IL4R: variants seen among roughly 807,000 people sequenced by gnomAD.
IL4R encodes interleukin-4 receptor subunit alpha.
In IL4R, 17 loss-of-function variants were observed where a neutral mutation model predicts 41.5. That is an observed-to-expected ratio of 0.41 (90% CI 0.28 to 0.61). The LOEUF (loss-of-function observed/expected upper bound fraction) is 0.61, where lower values mean the gene tolerates loss of function less well. Ranked by LOEUF, IL4R falls within the 20% of genes least tolerant of loss-of-function variation. The pLI is 0.31. For synonymous variants in IL4R, 402 were observed against 422.9 expected (o/e 0.95, Z 0.61); for missense variants, 974 against 1,043.1 (o/e 0.93, Z 0.91).
intron 3 of IL4R, among the ~76,000 whole-genome samples, chr16:27,340,761 A>G (rs940231738): frequency 2.0e-5 from 3 of 152,144 alleles, no homozygotes; most frequent in Non-Finnish European, 4.4e-5. Context: ...ACAGAACAGC[A>G]TAAGAGGGGG....
At chr16:27,362,178 G>A (rs938436289) in intron 10 of IL4R, 74 bp from the exon 11 acceptor site, 21 of 1,465,556 alleles carry the variant, frequency 1.4e-5, no homozygotes, top group Non-Finnish European at 1.7e-5. Context: ...GGTGATTTCA[G>A]GCTGGGCTTT....
chr16:27,322,668 C>T (rs2084848162), intron 1 of IL4R, among the ~76,000 whole-genome samples: 1 of 152,116 alleles, frequency 6.6e-6, no homozygotes, highest in African/African-American at 2.4e-5. Flanking sequence ...TATGATTGCT[C>T]CACTGCACTC....
chr16:27,328,451 A>T (rs1185938351), intron 1 of IL4R, among the ~76,000 whole-genome samples: 2 of 151,986 alleles, frequency 1.3e-5, no homozygotes, highest in Non-Finnish European at 1.5e-5. Flanking sequence ...TGGTTTCACC[A>T]TGTTGGTGAA....
At chr16:27,355,511 C>CCGG (rs2086032934) in intron 7 of IL4R, 1 of 377,990 alleles carries the variant, frequency 2.6e-6, no homozygotes, top group African/African-American at 2.1e-5. Context: ...AAGGAGCCAT[C>CCGG]CGGCTCCTAA....
rs372933624 is a variant in IL4R at position 27,314,313 on chromosome 16, G to A, written c.-152+293G>A. 5.5e-3 allele frequency: 966 copies of A among 176,342 alleles called. 5 individuals are homozygous for A. The highest frequency in any genetic ancestry group is 0.022 in the African/African-American group (929 of 41,950). The allele number at this position is 176,342 out of a possible 1,614,324, so 10.9% of individuals were successfully genotyped here. A position where few individuals can be genotyped will look rare whatever the true frequency, so the allele number is the denominator to read the frequency against. On this transcript the variant is annotated intron_variant, in intron 1 of 10. Coordinates refer to ENST00000395762, the MANE Select transcript of IL4R (RefSeq NM_000418.4). Reference sequence around the variant, plus strand: ...GACGGCCTGCGGGGGTGGGGGGCTTGGGGTTAGGCTGTCGGAGGCCACGCA... The same window carrying A: ...GACGGCCTGCGGGGGTGGGGGGCTTAGGGTTAGGCTGTCGGAGGCCACGCA...
chr16:27,318,329 C>T (rs2084707494), intron 1 of IL4R, among the ~76,000 whole-genome samples: 1 of 152,102 alleles, frequency 6.6e-6, no homozygotes, highest in Non-Finnish European at 1.5e-5. Context: ...CAGGATTTTA[C>T]AGGAGAGAAC....
chr16:27,325,749 C>T (rs1283293524), intron 1 of IL4R, among the ~76,000 whole-genome samples: 1 of 152,014 alleles, frequency 6.6e-6, no homozygotes. Context: ...TGCTGTATGT[C>T]GGGCCCCTCC....
chr16:27,345,229 C>T lies in IL4R; in HGVS notation c.361+209C>T, dbSNP rs931959761. The T allele has an allele frequency of 5.7e-6, 4 of 696,730 alleles. No homozygotes were observed. Among genetic ancestry groups the T allele is most frequent in the South Asian group, 4.5e-5 (3 of 66,760 alleles). The allele number at this position is 696,730 out of a possible 1,614,324, so 43.2% of individuals were successfully genotyped here. On this transcript the variant is annotated intron_variant, in intron 5 of 10. Coordinates refer to ENST00000395762, the MANE Select transcript of IL4R (RefSeq NM_000418.4). This position sits in a 1 kb window ranked among gnomAD's most constrained non-coding sequence, Gnocchi z 4.5. ...GAGCTGGTCGCAGTAGACCACCAAGCCCCCTTCAGCCCAGCTGTTTCCACC... is the reference window on the plus strand; with the variant it reads ...GAGCTGGTCGCAGTAGACCACCAAGTCCCCTTCAGCCCAGCTGTTTCCACC...
intron 3 of IL4R, 49 bp from the exon 4 acceptor site, chr16:27,342,071 CT>C (rs778084490): frequency 2.5e-6 from 4 of 1,600,500 alleles, no homozygotes; most frequent in Non-Finnish European, 3.4e-6. Context: ...GCAAGTCCCC[CT>C]CACGCATTGA....
At chr16:27,334,608 G>C (rs2141106461) in intron 2 of IL4R, among the ~76,000 whole-genome samples, 1 of 152,186 alleles carries the variant, frequency 6.6e-6, no homozygotes, top group Non-Finnish European at 1.5e-5. Context: ...CATAATTGAG[G>C]CTAAAGTGAC....
chr16:27,316,146 C>G (rs776245551), intron 1 of IL4R, among the ~76,000 whole-genome samples: 48 of 152,096 alleles, frequency 3.2e-4, no homozygotes, highest in Non-Finnish European at 5.7e-4. Flanking sequence ...GAGAGAGGAT[C>G]GCTTGAACCC....
intron 1 of IL4R, 45 bp downstream of exon 1, chr16:27,314,065 C>T (rs2084549772): frequency 2.0e-6 from 2 of 984,886 alleles, no homozygotes; most frequent in South Asian, 4.7e-5. Flanking sequence ...GAAGGTATCG[C>T]CCGGGCACGC....
Position 27,355,813 on chromosome 16 carries a change from A to C in IL4R, c.676A>C (p.Arg226=). Residue 226 remains arginine (R), a synonymous_variant, in exon 8 of 11, where the codon AGG becomes CGG. Coordinates refer to ENST00000395762, the MANE Select transcript of IL4R (RefSeq NM_000418.4). ...GCTTCCCCTCCCACTTCCAGCCTAC[A>C]GGGAGCCCTTCGAGCAGCACCTCCT... is the stretch of plus-strand genomic sequence containing the variant. ...SPSTKWHNSY[R]EPFEQHLLLG... The C allele has an allele frequency of 5.6e-6, 9 of 1,612,350 alleles. No homozygotes were observed. Among genetic ancestry groups the C allele is most frequent in the Non-Finnish European group, 7.6e-6 (9 of 1,179,028 alleles).
At chr16:27,337,727 G>A (rs1442404087) in intron 2 of IL4R, among the ~76,000 whole-genome samples, 1 of 151,542 alleles carries the variant, frequency 6.6e-6, no homozygotes, top group Non-Finnish European at 1.5e-5. Context: ...CTACAGGCAC[G>A]CGCCACTACC....
At position 27,362,937 on chromosome 16, in the gene IL4R, G is replaced by C. The variant is rs768453203; in HGVS notation, c.1585G>C (p.Glu529Gln). 1.9e-6 allele frequency: 3 copies of C among 1,614,008 alleles called. No individual in the cohort carries two copies. Among genetic ancestry groups the C allele is most frequent in the African/African-American group, 2.7e-5 (2 of 74,932 alleles). The stretch of plus-strand genomic sequence containing the variant: ...CAGACACCTGGAGGAAGTAGAACCC[G>C]AGATGCCCTGTGTCCCCCAGCTCTC... The part of the protein sequence containing the change: ...LARHLEEVEP[E>Q]MPCVPQLSEP... The change falls in exon 11 of 11, where the codon GAG becomes CAG. Residue 529 changes from glutamate (E) to glutamine (Q), a missense_variant. Physicochemically the swap from Glu to Gln is conservative, Grantham distance 29. Transcript: ENST00000395762.
Position 27,360,684 on chromosome 16 carries a change from G to C in IL4R, c.850-82G>C, listed in dbSNP as rs1262102845. 2.6e-6 allele frequency: 4 copies of C among 1,558,294 alleles called. No homozygotes were observed. The African/African-American group carries it at 4.1e-5, about 16-fold the overall frequency. On this transcript the variant is annotated intron_variant, in intron 9 of 10. Transcript: ENST00000395762. ...TCTGATCTGTGTGATGTCGAGGCTT[G>C]TACCCCTTCCTGAGCATTGCCGTAC...
intron 6 of IL4R, among the ~76,000 whole-genome samples, chr16:27,348,167 G>C (rs2085725153): frequency 6.6e-6 from 1 of 152,238 alleles, no homozygotes; most frequent in East Asian, 1.9e-4. Flanking sequence ...ATATCTCTCA[G>C]GTCTGGTTTC....
Position 27,359,013 on chromosome 16 carries a change from G to GGT in IL4R, c.849+19_849+20insGT, listed in dbSNP as rs768764043. On this transcript the variant is annotated intron_variant, in intron 9 of 10. Transcript: ENST00000395762. ...TGCTCAGGTAGGAGTAGGCGTGGAT[G>GGT]AGGACATGTGGGACTGTGTACATGA... 8.8e-6 allele frequency: 14 copies of GGT among 1,583,556 alleles called. No individual in the cohort carries two copies. Among genetic ancestry groups the GGT allele is most frequent in the Admixed American group, 3.3e-5 (2 of 59,844 alleles).
chr16:27,350,025 A>G (rs1337156164), intron 6 of IL4R, among the ~76,000 whole-genome samples: 1 of 152,178 alleles, frequency 6.6e-6, no homozygotes, highest in African/African-American at 2.4e-5. Flanking sequence ...TGCTGGGATT[A>G]CAGGCTTGAG....
Sources: gnomAD v4.1 joint callset for allele counts (sites outside exome capture counted in the v4.1 genomes callset) on GRCh38, gnomAD v4.1.1 for gene constraint, Gnocchi (gnomAD v3.1) non-coding constraint, MANE v1.5 for transcripts, NCBI Gene and HGNC (gene_info 2026-07-23, HGNC 2026-07-21) for gene names.